The following PRDM16 variants were observed in gnomAD, a reference collection of about 807,000 sequenced individuals.
PRDM16 encodes the protein histone-lysine N-methyltransferase PRDM16.
PRDM16 carries 23 observed loss-of-function variants against 110.6 expected under a neutral mutation model. That is an observed-to-expected ratio of 0.21 (90% CI 0.15 to 0.29). PRDM16 has a LOEUF of 0.29. PRDM16 is among the 10% of genes least tolerant of loss of function. The pLI, the probability that PRDM16 is intolerant of heterozygous loss-of-function variation, is 1.00. For missense variants in PRDM16, 1,615 were observed against 1,794.3 expected (o/e 0.90, Z 1.81); for synonymous variants, 799 against 781.8 (o/e 1.02, Z -0.37).
At chr1:3,138,758 T>C (rs1430628331) in intron 1 of PRDM16, among the ~76,000 whole-genome samples, 1 of 152,188 alleles carries the variant, frequency 6.6e-6, no homozygotes, top group Admixed American at 6.5e-5. Context: ...ATTCCCGCCA[T>C]GCTCAGGGTC....
rs955181958 is a variant in PRDM16, at chr1:3,435,728, G to A, written c.*1917G>A. ...TCCTCAGGCTGTCCCCAGCGGTGACGGGAGGTGTCCTGGCTGCTCCAGGAC... is the reference window on the plus strand; with the variant it reads ...TCCTCAGGCTGTCCCCAGCGGTGACAGGAGGTGTCCTGGCTGCTCCAGGAC... On this transcript the variant is annotated 3_prime_UTR_variant, in exon 17 of 17. Transcript: ENST00000270722. 36 of 232,730 alleles carry A rather than the reference G, an allele frequency of 1.5e-4. No homozygotes were observed. The highest frequency in any genetic ancestry group is 1.9e-4 in the Non-Finnish European group (22 of 117,728). 14.4% of individuals were successfully genotyped at this position (232,730 alleles called of 1,614,324 possible).
At chr1:3,141,957 C>T (rs559882269) in intron 1 of PRDM16, among the ~76,000 whole-genome samples, 11 of 152,266 alleles carry the variant, frequency 7.2e-5, no homozygotes, top group Non-Finnish European at 1.5e-4. Context: ...CTGCCTGGAA[C>T]GAGAACACTC....
At chr1:3,270,908 AGAG>A (rs1243038835) in intron 3 of PRDM16, among the ~76,000 whole-genome samples, 1 of 151,444 alleles carries the variant, frequency 6.6e-6, no homozygotes, top group Non-Finnish European at 1.5e-5. Flanking sequence ...AGGGCAGTAC[AGAG>A]GAGGACAGTG....
intron 1 of PRDM16, among the ~76,000 whole-genome samples, chr1:3,070,995 G>T (rs1359874921): frequency 4.6e-5 from 7 of 152,256 alleles, no homozygotes. Flanking sequence ...CTGTCTGTGC[G>T]CGGCGTTGCG....
At chr1:3,320,982 G>A (rs1050284081) in intron 3 of PRDM16, among the ~76,000 whole-genome samples, 5 of 152,222 alleles carry the variant, frequency 3.3e-5, no homozygotes, top group Non-Finnish European at 7.3e-5. Flanking sequence ...CGAGGGAGAC[G>A]AAACGCGTGC....
chr1:3,396,555 G>T lies in PRDM16; in HGVS notation c.638G>T (p.Gly213Val). Residue 213 changes from glycine to valine, a missense_variant, in exon 5 of 17, where the codon GGC becomes GTC. Physicochemically the swap from Gly to Val is moderately radical, Grantham distance 109. Transcript: ENST00000270722. Reference protein sequence around the residue: ...GEELLVHVKEGVYPLGTVPPG... With the variant: ...GEELLVHVKEVVYPLGTVPPG... ...GAGCTGCTGGTGCACGTGAAGGAAGGCGTCTACCCCCTGGGCACAGTGCCG... is the reference window on the plus strand; with the variant it reads ...GAGCTGCTGGTGCACGTGAAGGAAGTCGTCTACCCCCTGGGCACAGTGCCG... The T allele has an allele frequency of 6.2e-7, 1 of 1,606,006 alleles. No homozygotes were observed. The highest frequency in any genetic ancestry group is 8.5e-7 in the Non-Finnish European group (1 of 1,176,036).
rs1043203008 is a variant in PRDM16 at position 3,243,661 on chromosome 1, G to A, written c.388-426G>A. Among the ~76,000 whole-genome samples, 4 of 152,358 alleles carry A rather than the reference G, an allele frequency of 2.6e-5. No homozygotes were observed. Among genetic ancestry groups the A allele is most frequent in the South Asian group, 4.1e-4 (2 of 4,826 alleles). Reference sequence around the variant, plus strand: ...CGTCTAAATACACGTGGTGTGATTCGCCGGCGGAACTTGGAGGAAACACAA... The same window carrying A: ...CGTCTAAATACACGTGGTGTGATTCACCGGCGGAACTTGGAGGAAACACAA... On this transcript the variant is annotated intron_variant, in intron 2 of 16. Transcript: ENST00000270722. The surrounding 1 kb of genome is among the most constrained non-coding windows in gnomAD (Gnocchi z 5.5).
chr1:3,412,887 C>A, intron 9 of PRDM16, 87 bp downstream of exon 9: 1 of 1,119,982 alleles, frequency 8.9e-7, no homozygotes, highest in Non-Finnish European at 1.2e-6. Flanking sequence ...GTGTCTCTTT[C>A]AAGCTCCTCC....
intron 1 of PRDM16, among the ~76,000 whole-genome samples, chr1:3,089,348 A>C (rs1473698233): frequency 1.3e-5 from 2 of 152,016 alleles, no homozygotes; most frequent in African/African-American, 4.8e-5. Flanking sequence ...CCCACCCCCC[A>C]CCGGGGCTGT....
chr1:3,085,915 C>G (rs941909007), intron 1 of PRDM16, among the ~76,000 whole-genome samples: 17 of 152,246 alleles, frequency 1.1e-4, no homozygotes, highest in African/African-American at 4.1e-4. Context: ...GCGCCCAGCC[C>G]TGAGAGTTGG....
chr1:3,311,457 A>G (rs1431939986), intron 3 of PRDM16, among the ~76,000 whole-genome samples: 2 of 152,198 alleles, frequency 1.3e-5, no homozygotes, highest in East Asian at 3.9e-4. Flanking sequence ...TGGCCCCGCC[A>G]TGAAGCCCAG....
intron 1 of PRDM16, among the ~76,000 whole-genome samples, chr1:3,100,415 G>T (rs1435028854): frequency 6.6e-6 from 1 of 152,180 alleles, no homozygotes; most frequent in Non-Finnish European, 1.5e-5. Context: ...GCCGTGGGTG[G>T]TGGCCTGGGA....
intron 1 of PRDM16, among the ~76,000 whole-genome samples, chr1:3,107,803 T>C (rs2993499): frequency 0.66 from 100,876 of 152,224 alleles, 34,927 homozygotes; most frequent in East Asian, 0.92. Context: ...GCCCCTGGCC[T>C]CACTCTCTCC....
At position 3,213,659 on chromosome 1, in the gene PRDM16, C is replaced by T. The variant is rs1321359231; in HGVS notation, c.387+27185C>T. ...TTCCATGAGATGCTCCAAGCTCCTC[C>T]TGTTCTTACCCAGCATTTCCCCAGG... is the stretch of plus-strand genomic sequence containing the variant. On this transcript the variant is annotated intron_variant, in intron 2 of 16. Transcript: ENST00000270722. This position sits in a 1 kb window ranked among gnomAD's most constrained non-coding sequence, Gnocchi z 5.3. Among the ~76,000 whole-genome samples, 1 of 152,132 alleles carries T rather than the reference C, an allele frequency of 6.6e-6. No homozygotes were observed. The highest frequency in any genetic ancestry group is 2.4e-5 in the African/African-American group (1 of 41,420).
intron 1 of PRDM16, among the ~76,000 whole-genome samples, chr1:3,147,199 G>C (rs1302400686): frequency 2.0e-5 from 3 of 151,956 alleles, no homozygotes; most frequent in African/African-American, 7.3e-5. Flanking sequence ...GTGTGGACGT[G>C]TGTGTTCAGT....
At chr1:3,240,075 GGAGAGGA>G (rs1382721657) in intron 2 of PRDM16, among the ~76,000 whole-genome samples, 1 of 134,258 alleles carries the variant, frequency 7.4e-6, no homozygotes, top group East Asian at 2.2e-4. Flanking sequence ...GGAGAGGAGA[GGAGAGGA>G]GAGGAGAGGA....
chr1:3,247,600 G>A (rs1429937358), intron 3 of PRDM16, among the ~76,000 whole-genome samples: 2 of 152,232 alleles, frequency 1.3e-5, no homozygotes, highest in African/African-American at 4.8e-5. Flanking sequence ...CTTCGCCCTG[G>A]ACTCCCGCGT....
At chr1:3,433,530 C>CCTG in intron 16 of PRDM16, 147 bp from the exon 17 acceptor site, 2 of 565,872 alleles carry the variant, frequency 3.5e-6, no homozygotes, top group East Asian at 3.5e-5. Flanking sequence ...ACCTGCCTGT[C>CCTG]TGGGATGGCC....
intron 2 of PRDM16, among the ~76,000 whole-genome samples, chr1:3,225,574 G>GCGCA (rs1553149439): frequency 2.0e-4 from 27 of 135,208 alleles, no homozygotes; most frequent in African/African-American, 9.1e-4. Flanking sequence ...GTGTGTGTGT[G>GCGCA]CGCGCGCGCA....
Sources: gnomAD v4.1 joint callset for allele counts (sites outside exome capture counted in the v4.1 genomes callset) on GRCh38, gnomAD v4.1.1 for gene constraint, Gnocchi (gnomAD v3.1) non-coding constraint, MANE v1.5 for transcripts, NCBI Gene and HGNC (gene_info 2026-07-23, HGNC 2026-07-21) for gene names.